The following COL19A1 variants were observed in gnomAD, a reference collection of about 807,000 sequenced individuals.
COL19A1 encodes collagen alpha-1(XIX) chain.
COL19A1 carries 159 observed loss-of-function variants against 190.2 expected under a neutral mutation model. The observed-to-expected ratio is 0.84, with a 90% CI of 0.73 to 0.95. The LOEUF (loss-of-function observed/expected upper bound fraction) is 0.95, where lower values mean the gene tolerates loss of function less well. COL19A1 is among the 40% of genes least tolerant of loss of function. The pLI is 0.00. For synonymous variants in COL19A1, 509 were observed against 458.9 expected, an observed-to-expected ratio of 1.11 and a Z score of -1.39; for missense variants, 1,418 against 1,431.9, an observed-to-expected ratio of 0.99 and a Z score of 0.16.
At chr6:69,873,795 G>T (rs186174037) in intron 1 of COL19A1, among the ~76,000 whole-genome samples, 1 of 152,070 alleles carries the variant, frequency 6.6e-6, no homozygotes, top group African/African-American at 2.4e-5. Flanking sequence ...TCAAATCATA[G>T]CACCAATATT....
Position 70,068,004 on chromosome 6 carries a change from A to T in COL19A1, c.1171-419A>T, listed in dbSNP as rs575355512. 2.9e-3 allele frequency among the ~76,000 whole-genome samples: 442 copies of T among 152,240 alleles called. 4 individuals carry two copies. The South Asian group carries it at 0.033, about 11-fold the overall frequency. ...CATGTTTGAAGCCAACACCATAATC[A>T]TGCATTTCCTTAGAATATACTTTAA... On this transcript the variant is annotated intron_variant, in intron 14 of 50. Coordinates refer to ENST00000620364, the MANE Select transcript of COL19A1 (RefSeq NM_001858.6).
At chr6:70,142,430 T>G (rs74838323) in intron 22 of COL19A1, among the ~76,000 whole-genome samples, 2 of 152,178 alleles carry the variant, frequency 1.3e-5, no homozygotes, top group African/African-American at 4.8e-5. Flanking sequence ...GTTGAGTTGC[T>G]TGAGTTTCCC....
intron 14 of COL19A1, among the ~76,000 whole-genome samples, chr6:70,057,029 G>A (rs1176186865): frequency 6.6e-6 from 1 of 152,128 alleles, no homozygotes; most frequent in Non-Finnish European, 1.5e-5. Flanking sequence ...AGTTACCCAT[G>A]ATATTAAATT....
At chr6:69,928,498 G>A (rs772640870) in intron 5 of COL19A1, among the ~76,000 whole-genome samples, 1 of 152,084 alleles carries the variant, frequency 6.6e-6, no homozygotes, top group Non-Finnish European at 1.5e-5. Context: ...TATATACTAG[G>A]TAGTGACAAG....
intron 41 of COL19A1, among the ~76,000 whole-genome samples, chr6:70,175,440 A>G (rs1174935448): frequency 1.3e-5 from 2 of 151,890 alleles, no homozygotes; most frequent in Non-Finnish European, 2.9e-5. Context: ...TTTTATTTTT[A>G]TATAAATCTA....
intron 16 of COL19A1, among the ~76,000 whole-genome samples, chr6:70,117,562 T>C (rs1381389218): frequency 6.6e-6 from 1 of 152,266 alleles, no homozygotes; most frequent in Non-Finnish European, 1.5e-5. Context: ...ATTCACTTTA[T>C]CACACCTGCT....
At chr6:70,093,305 CA>C (rs958887870) in intron 15 of COL19A1, among the ~76,000 whole-genome samples, 1 of 152,048 alleles carries the variant, frequency 6.6e-6, no homozygotes, top group African/African-American at 2.4e-5. Context: ...CATGTGGCAC[CA>C]AGATGTTAAA....
At chr6:69,944,365 T>C (rs556740682) in intron 9 of COL19A1, among the ~76,000 whole-genome samples, 1 of 152,230 alleles carries the variant, frequency 6.6e-6, no homozygotes, top group East Asian at 1.9e-4. Context: ...AAAAATATGC[T>C]GAATGCATGA....
chr6:70,125,772 A>G (rs887378911), intron 17 of COL19A1, among the ~76,000 whole-genome samples: 1 of 152,180 alleles, frequency 6.6e-6, no homozygotes, highest in Non-Finnish European at 1.5e-5. Context: ...AGCTGCTCCC[A>G]TTCTGCAAGA....
intron 15 of COL19A1, among the ~76,000 whole-genome samples, chr6:70,092,339 A>G (rs1582890898): frequency 6.6e-6 from 1 of 152,160 alleles, no homozygotes; most frequent in South Asian, 2.1e-4. Flanking sequence ...GAGGTCATCT[A>G]TAACCAAATG....
intron 11 of COL19A1, among the ~76,000 whole-genome samples, chr6:69,997,433 A>G (rs1444384781): frequency 1.3e-5 from 2 of 152,226 alleles, no homozygotes; most frequent in African/African-American, 2.4e-5. Context: ...TACTGAATTT[A>G]GCAAAGACTT....
intron 6 of COL19A1, among the ~76,000 whole-genome samples, chr6:69,931,768 G>A (rs1170727090): frequency 2.6e-5 from 4 of 152,064 alleles, no homozygotes; most frequent in Non-Finnish European, 5.9e-5. Context: ...TCATGAATCT[G>A]TAAGATGTCT....
chr6:69,958,774 A>G (rs2150042802), intron 9 of COL19A1, among the ~76,000 whole-genome samples: 1 of 152,334 alleles, frequency 6.6e-6, no homozygotes, highest in South Asian at 2.1e-4. Context: ...AAGAACCACT[A>G]AAACTGTCCT....
At chr6:69,887,677 C>G (rs570920184) in intron 2 of COL19A1, among the ~76,000 whole-genome samples, 2 of 152,264 alleles carry the variant, frequency 1.3e-5, no homozygotes, top group East Asian at 3.9e-4. Context: ...CTTAGTTCAG[C>G]TAAAGATGAG....
chr6:70,120,286 A>T (rs1784814567), intron 16 of COL19A1, among the ~76,000 whole-genome samples: 1 of 152,184 alleles, frequency 6.6e-6, no homozygotes, highest in Non-Finnish European at 1.5e-5. Context: ...CAGCCTTGTC[A>T]TCAACACACA....
At chr6:70,122,463 C>T (rs534639923) in intron 17 of COL19A1, among the ~76,000 whole-genome samples, 4 of 152,138 alleles carry the variant, frequency 2.6e-5, no homozygotes, top group African/African-American at 7.2e-5. Context: ...GTGGAAGTAT[C>T]CAAATGGCAA....
intron 16 of COL19A1, among the ~76,000 whole-genome samples, chr6:70,119,828 C>T (rs182655909): frequency 9.8e-5 from 15 of 152,340 alleles, no homozygotes; most frequent in Non-Finnish European, 1.5e-4. Context: ...CGCTGGCTCA[C>T]GCCTGTAATA....
At chr6:69,944,541 A>T (rs75428316) in intron 9 of COL19A1, among the ~76,000 whole-genome samples, 2 of 152,078 alleles carry the variant, frequency 1.3e-5, no homozygotes, top group East Asian at 3.9e-4. Flanking sequence ...GTTCTACTAC[A>T]GTTTTTTCTT....
intron 41 of COL19A1, among the ~76,000 whole-genome samples, chr6:70,172,624 T>C (rs1765563625): frequency 6.6e-6 from 1 of 152,206 alleles, no homozygotes; most frequent in African/African-American, 2.4e-5. Flanking sequence ...CCTAAAAACA[T>C]GTCCAGTAAT....
Sources: allele counts gnomAD v4.1 joint callset (sites outside exome capture counted in the v4.1 genomes callset), GRCh38; gene constraint gnomAD v4.1.1; transcripts MANE v1.5; gene names NCBI Gene and HGNC (gene_info 2026-07-23, HGNC 2026-07-21).